Variants in CCDC171 observed in about 807,000 individuals in gnomAD.
CCDC171 encodes the protein coiled-coil domain-containing protein 171.
In CCDC171, 177 loss-of-function variants were observed where a neutral mutation model predicts 168.2. The ratio of observed to expected loss-of-function variants is 1.05; its 90% CI spans 0.93 to 1.19. CCDC171 has a LOEUF of 1.19. Ranked by LOEUF, CCDC171 falls within the 50% of genes most tolerant of loss-of-function variation. CCDC171 has a pLI of 0.00. For synonymous variants in CCDC171, 687 were observed against 540.8 expected (o/e 1.27, Z -3.75); for missense variants, 1,991 against 1,539.0 (o/e 1.29, Z -4.91).
intron 25 of CCDC171, among the ~76,000 whole-genome samples, chr9:15,926,700 G>T (rs2987064): frequency 2.0e-5 from 3 of 151,418 alleles, no homozygotes; most frequent in African/African-American, 7.3e-5. Context: ...ACATTGTAGT[G>T]TTGTTATGAG....
At chr9:15,564,759 A>AAAT (rs2039591230) in intron 2 of CCDC171, among the ~76,000 whole-genome samples, 1 of 152,246 alleles carries the variant, frequency 6.6e-6, no homozygotes, top group Non-Finnish European at 1.5e-5. Context: ...CTTTACAAAG[A>AAAT]AATAAGTACT....
intron 8 of CCDC171, among the ~76,000 whole-genome samples, chr9:15,661,295 A>AC (rs2048304437): frequency 2.0e-5 from 3 of 148,424 alleles, no homozygotes; most frequent in Admixed American, 2.0e-4. Context: ...AAAAAAAAAA[A>AC]AAAAAGTAAC....
intron 5 of CCDC171, among the ~76,000 whole-genome samples, chr9:15,593,331 A>G (rs909292334): frequency 2.6e-5 from 4 of 152,126 alleles, no homozygotes; most frequent in South Asian, 2.1e-4. Context: ...CTTCTCAGCA[A>G]ATTGCATTTT....
At chr9:15,900,431 T>G (rs1027807361) in intron 24 of CCDC171, among the ~76,000 whole-genome samples, 1 of 152,160 alleles carries the variant, frequency 6.6e-6, no homozygotes. Flanking sequence ...TTCTGCCAAC[T>G]TGAATGAGCT....
intron 24 of CCDC171, among the ~76,000 whole-genome samples, chr9:15,879,733 T>C (rs1238544984): frequency 6.6e-6 from 1 of 152,168 alleles, no homozygotes; most frequent in Non-Finnish European, 1.5e-5. Context: ...TGATGGATAT[T>C]TGAAGTTATT....
Position 15,817,442 on chromosome 9 carries a change from T to C in CCDC171, c.3268-29260T>C, listed in dbSNP as rs1027031848. 1.7e-5 allele frequency among the ~76,000 whole-genome samples: 2 copies of C among 118,102 alleles called. 1 individual carries two copies. Among genetic ancestry groups the C allele is most frequent in the Non-Finnish European group, 3.8e-5 (2 of 52,408 alleles). The allele number at this position is 118,102 out of a possible 152,430, so 77.5% of individuals were successfully genotyped here. On this transcript the variant is annotated intron_variant, in intron 21 of 25. Coordinates refer to ENST00000380701, the MANE Select transcript of CCDC171 (RefSeq NM_173550.4). ...CAAGGGGTCAGGGAATTCCCTTTCC[T>C]AGTCAAAGAAAGGAGTGACAGAGGG...
At chr9:15,800,376 A>C (rs1370301028) in intron 21 of CCDC171, among the ~76,000 whole-genome samples, 1 of 152,084 alleles carries the variant, frequency 6.6e-6, no homozygotes, top group Non-Finnish European at 1.5e-5. Flanking sequence ...GATGTTGAGC[A>C]CCTTTTCAAA....
chr9:15,794,368 G>T (rs1272999159), intron 21 of CCDC171, among the ~76,000 whole-genome samples: 1 of 152,084 alleles, frequency 6.6e-6, no homozygotes, highest in African/African-American at 2.4e-5. Context: ...GGGAGGCTGA[G>T]GCAGGAGAAT....
chr9:16,083,411 C>A, the CCDC171 span, among the ~76,000 whole-genome samples: 6 of 152,080 alleles, frequency 3.9e-5, no homozygotes, highest in East Asian at 7.7e-4. Flanking sequence ...ACAGAGAGAA[C>A]CAAAGTTGGA....
chr9:15,806,118 T>C (rs984859837), intron 21 of CCDC171, among the ~76,000 whole-genome samples: 13 of 152,286 alleles, frequency 8.5e-5, no homozygotes, highest in African/African-American at 3.1e-4. Flanking sequence ...ATTTTGAGCC[T>C]ACCTGTGTCT....
intron 21 of CCDC171, among the ~76,000 whole-genome samples, chr9:15,818,737 A>G (rs191653304): frequency 0.013 from 1,524 of 118,340 alleles, 441 homozygotes; most frequent in African/African-American, 0.046. Context: ...TGAAAGTGAC[A>G]GGGAGAATGG....
intron 14 of CCDC171, among the ~76,000 whole-genome samples, chr9:15,725,317 AGATTGATG>A (rs2053729686): frequency 6.6e-6 from 1 of 152,216 alleles, no homozygotes; most frequent in Admixed American, 6.5e-5. Flanking sequence ...GTAGCTTGGT[AGATTGATG>A]GTGGAAAGAA....
intron 7 of CCDC171, among the ~76,000 whole-genome samples, chr9:15,637,938 A>G (rs985102546): frequency 1.3e-5 from 2 of 152,124 alleles, no homozygotes; most frequent in African/African-American, 2.4e-5. Context: ...ATACGTGTGC[A>G]TGTGTCTTTA....
intron 1 of CCDC171, among the ~76,000 whole-genome samples, chr9:16,057,642 C>T (rs945769275): frequency 3.3e-5 from 5 of 152,172 alleles, no homozygotes; most frequent in Non-Finnish European, 5.9e-5. Context: ...TTCATGTGAC[C>T]TGCCACTGGG....
intron 24 of CCDC171, among the ~76,000 whole-genome samples, chr9:15,881,880 G>C (rs73422800): frequency 4.6e-4 from 70 of 152,186 alleles, no homozygotes; most frequent in African/African-American, 1.4e-3. Context: ...TCCACATTTT[G>C]GCTGTTGTGA....
At position 16,001,603 on chromosome 9, in the gene CCDC171, GATGGTGGTCCCA is replaced by G. The variant is rs970265890; in HGVS notation, n.369-18973_369-18962del. 7.0e-4 allele frequency among the ~76,000 whole-genome samples: 106 copies of G among 152,084 alleles called. 1 individual carries two copies. Among genetic ancestry groups the G allele is most frequent in the African/African-American group, 2.3e-3 (97 of 41,414 alleles). On this transcript the variant is annotated intron_variant and non_coding_transcript_variant, in intron 3 of 9. Transcript: ENST00000486641. ...TCAGTCAACCATGAACCGCATATAT[GATGGTGGTCCCA>G]ATGGTGGTCCCATAAGATTATAATA...
At chr9:15,893,191 C>T (rs999160814) in intron 24 of CCDC171, among the ~76,000 whole-genome samples, 3 of 152,108 alleles carry the variant, frequency 2.0e-5, no homozygotes, top group Non-Finnish European at 4.4e-5. Context: ...GGGAAAAATT[C>T]CCTATTTAGT....
At chr9:16,101,936 TCCAGAACATG>T in the CCDC171 span, among the ~76,000 whole-genome samples, 1 of 152,200 alleles carries the variant, frequency 6.6e-6, no homozygotes, top group Non-Finnish European at 1.5e-5. Context: ...AGAGAACCTG[TCCAGAACATG>T]CCAGACTCCT....
intron 8 of CCDC171, chr9:16,036,240 T>G (rs1833464700): frequency 6.6e-6 from 1 of 152,218 alleles, no homozygotes; most frequent in Non-Finnish European, 1.5e-5. Context: ...TTAGTTGTCT[T>G]GGGAACGTGA....
Sources: gnomAD v4.1 joint callset for allele counts (sites outside exome capture counted in the v4.1 genomes callset) on GRCh38, gnomAD v4.1.1 for gene constraint, MANE v1.5 for transcripts, NCBI Gene and HGNC (gene_info 2026-07-23, HGNC 2026-07-21) for gene names.